CADM2: variants seen among roughly 807,000 people sequenced by gnomAD.
CADM2 encodes the protein cell adhesion molecule 2.
Under a neutral mutation model 49.8 loss-of-function variants are expected in CADM2, and 12 were observed. The observed-to-expected ratio is 0.24, with a 90% CI of 0.15 to 0.39. The LOEUF is 0.39. Among genes scored for constraint, CADM2 ranks in the 10% least tolerant of loss-of-function variants. The pLI is 1.00. For synonymous variants in CADM2, 214 were observed against 175.4 expected, an observed-to-expected ratio of 1.22 and a Z score of -1.74; for missense variants, 378 against 492.3, an observed-to-expected ratio of 0.77 and a Z score of 2.20.
chr3:85,990,478 T>A (rs1728650202), intron 8 of CADM2, among the ~76,000 whole-genome samples: 1 of 152,160 alleles, frequency 6.6e-6, no homozygotes, highest in African/African-American at 2.4e-5. Flanking sequence ...GGCGCATCTG[T>A]ATGTGATTGC....
At chr3:85,582,200 T>A (rs1366121505) in intron 1 of CADM2, among the ~76,000 whole-genome samples, 1 of 152,104 alleles carries the variant, frequency 6.6e-6, no homozygotes, top group Non-Finnish European at 1.5e-5. Flanking sequence ...CTGGGATTAC[T>A]GTCCTGAGCC....
At chr3:85,096,664 C>T (rs931282833) in intron 1 of CADM2, among the ~76,000 whole-genome samples, 1 of 151,878 alleles carries the variant, frequency 6.6e-6, no homozygotes, top group East Asian at 1.9e-4. Flanking sequence ...AACAGCATAA[C>T]ATTTCTGCCA....
intron 1 of CADM2, among the ~76,000 whole-genome samples, chr3:85,697,112 G>GCCATATATATAT (rs1559598947): frequency 7.7e-6 from 1 of 129,270 alleles, no homozygotes; most frequent in Non-Finnish European, 1.8e-5. Flanking sequence ...ATATATATAT[G>GCCATATATATAT]GCATATATAT....
chr3:85,089,666 A>AT (rs980481324), intron 1 of CADM2, among the ~76,000 whole-genome samples: 5 of 152,084 alleles, frequency 3.3e-5, no homozygotes, highest in African/African-American at 9.7e-5. Context: ...TAACTGGAAC[A>AT]TTTTTTGTCT....
chr3:85,922,173 T>G (rs1719205629), intron 6 of CADM2, among the ~76,000 whole-genome samples: 2 of 151,938 alleles, frequency 1.3e-5, no homozygotes, highest in Admixed American at 1.3e-4. Context: ...CCTTTCTTCC[T>G]CTTTCCCCTT....
At chr3:85,784,929 A>G (rs981165869) in intron 2 of CADM2, among the ~76,000 whole-genome samples, 3 of 152,156 alleles carry the variant, frequency 2.0e-5, no homozygotes, top group African/African-American at 7.2e-5. Flanking sequence ...TTTCTTCTAC[A>G]GGAGACTTTT....
chr3:85,444,915 ATTC>A (rs1043398107), intron 1 of CADM2, among the ~76,000 whole-genome samples: 12 of 152,118 alleles, frequency 7.9e-5, no homozygotes, highest in African/African-American at 2.9e-4. Flanking sequence ...TTCTCATCAT[ATTC>A]TTCTTGAATC....
intron 1 of CADM2, among the ~76,000 whole-genome samples, chr3:85,549,904 T>G (rs2061759951): frequency 6.6e-6 from 1 of 151,780 alleles, no homozygotes; most frequent in Admixed American, 6.6e-5. Context: ...AGTGCTGGGA[T>G]TACAGACATG....
chr3:85,883,231 C>G, intron 3 of CADM2, 60 bp from the exon 4 acceptor site: 2 of 1,389,736 alleles, frequency 1.4e-6, no homozygotes, highest in South Asian at 2.9e-5. Flanking sequence ...AATATATAGT[C>G]TAAAAATACT....
chr3:85,413,668 T>G (rs1488953018), intron 1 of CADM2, among the ~76,000 whole-genome samples: 2 of 152,096 alleles, frequency 1.3e-5, no homozygotes, highest in African/African-American at 4.8e-5. Flanking sequence ...TTGTGAGTAC[T>G]CACACACTAT....
chr3:85,622,268 A>T (rs191481938), intron 1 of CADM2, among the ~76,000 whole-genome samples: 6 of 152,266 alleles, frequency 3.9e-5, no homozygotes, highest in African/African-American at 1.4e-4. Context: ...CTGTCTTTAA[A>T]TACAAAGCTT....
At chr3:85,261,565 A>G (rs1009827599) in intron 1 of CADM2, among the ~76,000 whole-genome samples, 23 of 152,132 alleles carry the variant, frequency 1.5e-4, no homozygotes, top group African/African-American at 5.1e-4. Flanking sequence ...CTTATGAAAT[A>G]TTTTCTATGG....
At chr3:86,015,115 A>T in intron 8 of CADM2, 1 of 557,432 alleles carries the variant, frequency 1.8e-6, no homozygotes, top group Non-Finnish European at 3.2e-6. Context: ...ACCATCGAAA[A>T]TACCTAGGAG....
intron 1 of CADM2, among the ~76,000 whole-genome samples, chr3:85,714,377 C>G (rs1377782923): frequency 6.6e-6 from 1 of 152,114 alleles, no homozygotes; most frequent in Non-Finnish European, 1.5e-5. Flanking sequence ...AAGTACTTCT[C>G]TTATGAAAAC....
chr3:85,438,676 T>C (rs1300678541), intron 1 of CADM2, among the ~76,000 whole-genome samples: 1 of 152,014 alleles, frequency 6.6e-6, no homozygotes, highest in African/African-American at 2.4e-5. Context: ...TCATTTTCCT[T>C]TTCCTTTCTT....
At chr3:84,971,891 A>G (rs918914472) in intron 1 of CADM2, among the ~76,000 whole-genome samples, 1 of 152,018 alleles carries the variant, frequency 6.6e-6, no homozygotes, top group Non-Finnish European at 1.5e-5. Context: ...GTGGATTGGT[A>G]ATAGAGGAAT....
intron 1 of CADM2, among the ~76,000 whole-genome samples, chr3:85,083,565 A>G (rs950741829): frequency 3.3e-5 from 5 of 152,138 alleles, no homozygotes; most frequent in Non-Finnish European, 5.9e-5. Flanking sequence ...AATGAAGTTG[A>G]CAATGAACCT....
Position 85,418,594 on chromosome 3 carries a change from T to G in CADM2, c.62-307928T>G, listed in dbSNP as rs569147972. ...ATGTTTCTCTTAGTTACATTATATT[T>G]TTTTAGGTGTATCATGCTTTCTAAA... is the stretch of plus-strand genomic sequence containing the variant. On this transcript the variant is annotated intron_variant, in intron 1 of 9. Coordinates refer to ENST00000383699, the MANE Select transcript of CADM2 (RefSeq NM_001167675.2). 2.4e-3 allele frequency among the ~76,000 whole-genome samples: 366 copies of G among 151,480 alleles called. 2 individuals carry two copies. The highest frequency in any genetic ancestry group is 8.4e-3 in the African/African-American group (350 of 41,536).
At chr3:85,872,937 G>A (rs2075984527) in intron 3 of CADM2, among the ~76,000 whole-genome samples, 1 of 152,024 alleles carries the variant, frequency 6.6e-6, no homozygotes, top group South Asian at 2.1e-4. Context: ...TCTATTGCAT[G>A]TTGCTATAAC....
Sources: gnomAD v4.1 joint callset for allele counts (sites outside exome capture counted in the v4.1 genomes callset) on GRCh38, gnomAD v4.1.1 for gene constraint, MANE v1.5 for transcripts, NCBI Gene and HGNC (gene_info 2026-07-23, HGNC 2026-07-21) for gene names.